Variants in IKZF1 observed in about 807,000 individuals in gnomAD.
IKZF1 encodes the protein IKAROS family zinc finger 1, also known as DNA-binding protein Ikaros.
IKZF1 carries 10 observed loss-of-function variants against 51.7 expected under a neutral mutation model. The ratio of observed to expected loss-of-function variants is 0.19; its 90% CI spans 0.12 to 0.33. The LOEUF (loss-of-function observed/expected upper bound fraction) is 0.33, where lower values mean the gene tolerates loss of function less well. IKZF1 is among the 10% of genes least tolerant of loss of function. The pLI, the probability that IKZF1 is intolerant of heterozygous loss-of-function variation, is 1.00. For synonymous variants in IKZF1, 280 were observed against 282.3 expected, an observed-to-expected ratio of 0.99 and a Z score of 0.08; for missense variants, 484 against 707.5, an observed-to-expected ratio of 0.68 and a Z score of 3.58.
At chr7:50,396,252 C>A (rs1816677224) in intron 7 of IKZF1, among the ~76,000 whole-genome samples, 1 of 151,826 alleles carries the variant, frequency 6.6e-6, no homozygotes, top group Admixed American at 6.6e-5. Flanking sequence ...TTGTTTATTT[C>A]TTTGTCTATT....
intron 4 of IKZF1, among the ~76,000 whole-genome samples, chr7:50,379,724 T>C (rs750406524): frequency 3.9e-5 from 6 of 152,230 alleles, no homozygotes; most frequent in Admixed American, 6.5e-5. Flanking sequence ...AGCACCCTAA[T>C]GGCACTGCTC....
Position 50,330,602 on chromosome 7 carries a change from A to G in IKZF1, c.160+2845A>G, listed in dbSNP as rs552200500. 2.8e-4 allele frequency among the ~76,000 whole-genome samples: 43 copies of G among 152,324 alleles called. 2 individuals are homozygous for G. The South Asian group carries it at 8.3e-3, about 29-fold the overall frequency. ...AGAGACCACCCTCCATGGTTCTGGA[A>G]GGAAACCAGCCAGCTTTCATATGTG... On this transcript the variant is annotated intron_variant, in intron 3 of 7. Coordinates refer to ENST00000331340, the MANE Select transcript of IKZF1 (RefSeq NM_006060.6).
chr7:50,360,780 C>T (rs1339232365), intron 3 of IKZF1, among the ~76,000 whole-genome samples: 1 of 152,250 alleles, frequency 6.6e-6, no homozygotes, highest in Admixed American at 6.5e-5. Flanking sequence ...CTGTGCCTCT[C>T]CTCTCCATGT....
At chr7:50,356,365 A>G in intron 3 of IKZF1, among the ~76,000 whole-genome samples, 1 of 152,226 alleles carries the variant, frequency 6.6e-6, no homozygotes. Flanking sequence ...TCTGGACCAT[A>G]GAGTGAACTT....
chr7:50,333,164 A>C (rs1364588062), intron 3 of IKZF1, among the ~76,000 whole-genome samples: 3 of 152,104 alleles, frequency 2.0e-5, no homozygotes, highest in Non-Finnish European at 4.4e-5. Context: ...TAAAAGCATA[A>C]ATCTTTTTTA....
chr7:50,359,040 A>G (rs1017982757), intron 3 of IKZF1, among the ~76,000 whole-genome samples: 5 of 152,192 alleles, frequency 3.3e-5, no homozygotes, highest in Admixed American at 2.0e-4. Flanking sequence ...TGGAAGGATC[A>G]TGTGTGCTCA....
chr7:50,350,237 C>G (rs1048136304), intron 3 of IKZF1, among the ~76,000 whole-genome samples: 2 of 152,240 alleles, frequency 1.3e-5, no homozygotes, highest in African/African-American at 2.4e-5. Flanking sequence ...GTGATGCAGA[C>G]CTGAATCCAG....
chr7:50,346,452 A>G (rs1222292750), intron 3 of IKZF1, among the ~76,000 whole-genome samples: 2 of 152,200 alleles, frequency 1.3e-5, no homozygotes, highest in African/African-American at 4.8e-5. Flanking sequence ...CAAATCATTG[A>G]CAACAGCTCT....
intron 3 of IKZF1, among the ~76,000 whole-genome samples, chr7:50,357,057 G>A (rs1803644173): frequency 1.3e-5 from 2 of 152,020 alleles, no homozygotes; most frequent in South Asian, 2.1e-4. Context: ...GGCCATGGGT[G>A]TGTGATTCCA....
At chr7:50,357,083 C>T (rs1225420420) in intron 3 of IKZF1, among the ~76,000 whole-genome samples, 1 of 152,016 alleles carries the variant, frequency 6.6e-6, no homozygotes, top group Non-Finnish European at 1.5e-5. Flanking sequence ...GATCCTCCTA[C>T]TTCCCCAGCC....
chr7:50,332,304 C>G (rs1305916504), intron 3 of IKZF1, among the ~76,000 whole-genome samples: 3 of 152,060 alleles, frequency 2.0e-5, no homozygotes, highest in Admixed American at 1.3e-4. Context: ...TTTCCTCCTC[C>G]TTTATACATA....
At chr7:50,346,538 T>C (rs926090485) in intron 3 of IKZF1, among the ~76,000 whole-genome samples, 1 of 152,232 alleles carries the variant, frequency 6.6e-6, no homozygotes, top group Admixed American at 6.5e-5. Context: ...ATAAACACCA[T>C]GATGCCTTTG....
At chr7:50,340,608 T>G (rs1798857284) in intron 3 of IKZF1, among the ~76,000 whole-genome samples, 1 of 152,262 alleles carries the variant, frequency 6.6e-6, no homozygotes, top group Non-Finnish European at 1.5e-5. Context: ...ATGATCATTT[T>G]TATTATGATT....
At chr7:50,313,475 A>G (rs1294094540) in intron 1 of IKZF1, among the ~76,000 whole-genome samples, 1 of 152,250 alleles carries the variant, frequency 6.6e-6, no homozygotes, top group Non-Finnish European at 1.5e-5. Flanking sequence ...AGTGCAGAGT[A>G]TTACAAAGAT....
Position 50,360,292 on chromosome 7 carries a change from C to T in IKZF1, c.161-16241C>T, listed in dbSNP as rs113829691. ...AGCCCTGGGGATGAGAGGGAATGGC[C>T]GTGTCTGTCTGCAGAGCCTGAGGAG... is the stretch of plus-strand genomic sequence containing the variant. On this transcript the variant is annotated intron_variant, in intron 3 of 7. Transcript: ENST00000331340. Among the ~76,000 whole-genome samples the T allele has an allele frequency of 5.8e-3, 889 of 152,122 alleles. 6 individuals carry two copies. The highest frequency in any genetic ancestry group is 0.01 in the Middle Eastern group (3 of 294).
intron 3 of IKZF1, among the ~76,000 whole-genome samples, chr7:50,365,264 A>G (rs944509285): frequency 6.6e-6 from 1 of 152,202 alleles, no homozygotes; most frequent in Non-Finnish European, 1.5e-5. Flanking sequence ...TACTGAGCCC[A>G]GAAGTTTATG....
intron 5 of IKZF1, 68 bp downstream of exon 5, chr7:50,382,775 G>T: frequency 6.6e-7 from 1 of 1,506,052 alleles, no homozygotes; most frequent in Non-Finnish European, 8.9e-7. Flanking sequence ...GCCCGCCTGG[G>T]TCCCGGATTG....
intron 7 of IKZF1, among the ~76,000 whole-genome samples, chr7:50,393,192 G>A (rs1815683997): frequency 1.3e-5 from 2 of 152,174 alleles, no homozygotes; most frequent in Non-Finnish European, 2.9e-5. Flanking sequence ...ATAGGGCTGG[G>A]GGCAGGGATT....
intron 1 of IKZF1, among the ~76,000 whole-genome samples, chr7:50,310,544 C>T (rs538392507): frequency 6.6e-6 from 1 of 152,210 alleles, no homozygotes; most frequent in East Asian, 1.9e-4. Flanking sequence ...AGATCATAGG[C>T]CACAAATAAA....
Sources: allele counts gnomAD v4.1 joint callset (sites outside exome capture counted in the v4.1 genomes callset), GRCh38; gene constraint gnomAD v4.1.1; transcripts MANE v1.5; gene names NCBI Gene and HGNC (gene_info 2026-07-23, HGNC 2026-07-21).